LRRFIP1: variants seen among roughly 807,000 people sequenced by gnomAD.
LRRFIP1 encodes the protein LRR binding FLII interacting protein 1, also known as leucine-rich repeat flightless-interacting protein 1.
LRRFIP1 carries 62 observed loss-of-function variants against 104.4 expected under a neutral mutation model. The observed-to-expected ratio is 0.59, with a 90% CI of 0.48 to 0.73. The LOEUF (loss-of-function observed/expected upper bound fraction) is 0.73, where lower values mean the gene tolerates loss of function less well. Ranked by LOEUF, LRRFIP1 falls within the 30% of genes least tolerant of loss-of-function variation. The probability of loss-of-function intolerance (pLI) is 0.00; values close to 1 mark genes in which losing one functional copy is unlikely to be tolerated. For synonymous variants in LRRFIP1, 300 were observed against 299.0 expected (o/e 1.00, Z -0.03); for missense variants, 796 against 824.5 (o/e 0.97, Z 0.42).
At position 237,708,606 on chromosome 2, in the gene LRRFIP1, G is replaced by A; in HGVS notation, c.159G>A (p.Lys53=). 1.2e-6 allele frequency: 2 copies of A among 1,601,166 alleles called. No individual in the cohort carries two copies. Among genetic ancestry groups the A allele is most frequent in the Middle Eastern group, 1.7e-4 (1 of 6,024 alleles). Residue 53 remains lysine, a synonymous_variant, in exon 2 of 24, where the codon AAG becomes AAA. Transcript: ENST00000308482. ...ARAEAREIRM[K]ELERQQKEIY... ...CGGAGGCTCGCGAGATCCGCATGAA[G>A]GAGCTGGAGCGGCAGCAGAAGGAGG...
At chr2:237,631,798 G>T (rs141003556) in intron 1 of LRRFIP1, among the ~76,000 whole-genome samples, 5 of 152,236 alleles carry the variant, frequency 3.3e-5, no homozygotes, top group African/African-American at 1.2e-4. Context: ...AGTCATTTGC[G>T]CAGGCTGCAT....
chr2:237,748,524 C>A, intron 12 of LRRFIP1, 125 bp downstream of exon 12: 1 of 854,880 alleles, frequency 1.2e-6, no homozygotes, highest in Non-Finnish European at 1.8e-6. Flanking sequence ...AGAAAGCGGC[C>A]CACCTAACCT....
intron 8 of LRRFIP1, among the ~76,000 whole-genome samples, chr2:237,732,951 G>A (rs964070397): frequency 3.3e-5 from 5 of 152,136 alleles, no homozygotes; most frequent in African/African-American, 9.7e-5. Flanking sequence ...TATAGGTATC[G>A]AGTCTTATTC....
chr2:237,651,182 T>C (rs1156740592), intron 1 of LRRFIP1, among the ~76,000 whole-genome samples: 3 of 152,226 alleles, frequency 2.0e-5, no homozygotes, highest in African/African-American at 4.8e-5. Flanking sequence ...GTCACCCAGA[T>C]TCAACAAGGT....
chr2:237,738,382 C>G (rs2095316035), intron 10 of LRRFIP1, among the ~76,000 whole-genome samples: 1 of 152,186 alleles, frequency 6.6e-6, no homozygotes, highest in Admixed American at 6.5e-5. Flanking sequence ...CTGTGCCCAG[C>G]ACAGTGCAGG....
chr2:237,751,936 C>T (rs558208122), intron 14 of LRRFIP1, among the ~76,000 whole-genome samples: 31 of 152,134 alleles, frequency 2.0e-4, no homozygotes, highest in Non-Finnish European at 3.5e-4. Flanking sequence ...AAGTGGGTGG[C>T]GTATCTGTTA....
chr2:237,725,147 CTTT>C (rs2094692915), intron 7 of LRRFIP1, among the ~76,000 whole-genome samples: 1 of 152,204 alleles, frequency 6.6e-6, no homozygotes, highest in African/African-American at 2.4e-5. Flanking sequence ...TGTGTGTCCT[CTTT>C]ATTTTATTCT....
intron 1 of LRRFIP1, among the ~76,000 whole-genome samples, chr2:237,656,178 AAACT>A (rs2086791951): frequency 6.6e-6 from 1 of 152,256 alleles, no homozygotes; most frequent in East Asian, 1.9e-4. Flanking sequence ...TGTATTTAAA[AAACT>A]AAATAAAACA....
rs146807852 is a variant in LRRFIP1 at position 237,670,825 on chromosome 2, T to C, written c.97-37719T>C. ...TGATTGTTCCTCCCCGTGGGGCCGTTACGAGAAGCAAGCACATGGAAGCGT... is the reference window on the plus strand; with the variant it reads ...TGATTGTTCCTCCCCGTGGGGCCGTCACGAGAAGCAAGCACATGGAAGCGT... On this transcript the variant is annotated intron_variant, in intron 1 of 23. Coordinates refer to ENST00000308482, the MANE Select transcript of LRRFIP1 (RefSeq NM_001137550.2). Among the ~76,000 whole-genome samples, 477 of 152,324 alleles carry C rather than the reference T, an allele frequency of 3.1e-3. 8 individuals carry two copies. The East Asian group carries it at 0.047, about 15-fold the overall frequency.
chr2:237,774,873 C>A (rs1193310355), intron 23 of LRRFIP1, among the ~76,000 whole-genome samples: 1 of 152,246 alleles, frequency 6.6e-6, no homozygotes, highest in Non-Finnish European at 1.5e-5. Context: ...ACAGCTGTCT[C>A]AGGTCACCCT....
intron 10 of LRRFIP1, among the ~76,000 whole-genome samples, chr2:237,737,934 A>G (rs906062393): frequency 6.6e-6 from 1 of 152,238 alleles, no homozygotes; most frequent in African/African-American, 2.4e-5. Context: ...CATCTTGTCC[A>G]CAGCCCTGTA....
intron 6 of LRRFIP1, among the ~76,000 whole-genome samples, chr2:237,722,631 C>T (rs1233212894): frequency 6.6e-6 from 1 of 152,202 alleles, no homozygotes; most frequent in African/African-American, 2.4e-5. Context: ...TTTTCATTTT[C>T]AGCCACATGA....
intron 1 of LRRFIP1, among the ~76,000 whole-genome samples, chr2:237,668,949 T>A (rs1026176954): frequency 2.0e-5 from 3 of 151,984 alleles, no homozygotes; most frequent in Admixed American, 2.0e-4. Flanking sequence ...TATCTGTGAC[T>A]TTTTTTTAAC....
rs1401722999 is a variant in LRRFIP1 at position 237,717,668 on chromosome 2, C to T, written c.202-94C>T. ...TTACCTTCACCACACGGCTGGATGG[C>T]GGTTTGGAAATGCATGTCAGAACAG... On this transcript the variant is annotated intron_variant, in intron 3 of 23. Transcript: ENST00000308482. This position sits in a 1 kb window ranked among gnomAD's most constrained non-coding sequence, Gnocchi z 4.2. The T allele has an allele frequency of 9.4e-6, 9 of 954,360 alleles. No individual in the cohort carries two copies. Among genetic ancestry groups the T allele is most frequent in the African/African-American group, 3.2e-5 (2 of 62,264 alleles). The allele number at this position is 954,360 out of a possible 1,614,324, so 59.1% of individuals were successfully genotyped here.
intron 8 of LRRFIP1, among the ~76,000 whole-genome samples, chr2:237,729,059 A>G (rs1310287262): frequency 6.6e-6 from 1 of 152,174 alleles, no homozygotes; most frequent in African/African-American, 2.4e-5. Flanking sequence ...AGTAGCTTGG[A>G]TTACAGGCAT....
intron 19 of LRRFIP1, chr2:237,763,180 G>T (rs776827427): frequency 6.2e-7 from 1 of 1,614,118 alleles, no homozygotes; most frequent in Non-Finnish European, 8.5e-7. Context: ...AGGTTCCAGC[G>T]CACAGTACAG....
intron 11 of LRRFIP1, among the ~76,000 whole-genome samples, chr2:237,739,895 A>C (rs1280505747): frequency 6.6e-6 from 1 of 152,114 alleles, no homozygotes; most frequent in African/African-American, 2.4e-5. Flanking sequence ...TGATGCTTGA[A>C]GGCGACCCTA....
chr2:237,703,075 GC>G lies in LRRFIP1; in HGVS notation c.97-5464del, dbSNP rs1273141815. Among the ~76,000 whole-genome samples, 1 of 152,150 alleles carries G rather than the reference GC, an allele frequency of 6.6e-6. No individual in the cohort carries two copies. The highest frequency in any genetic ancestry group is 6.5e-5 in the Admixed American group (1 of 15,276). ...GCTCCTGTAGGGTGGGGACAGACCA[GC>G]CCCCATGAACCCTAGCGAGGGCCAT... On this transcript the variant is annotated intron_variant, in intron 1 of 23. Coordinates refer to ENST00000308482, the MANE Select transcript of LRRFIP1 (RefSeq NM_001137550.2). The surrounding 1 kb of genome is among the most constrained non-coding windows in gnomAD (Gnocchi z 4.3).
intron 8 of LRRFIP1, among the ~76,000 whole-genome samples, chr2:237,732,844 A>T (rs1488011687): frequency 6.6e-6 from 1 of 152,114 alleles, no homozygotes; most frequent in Non-Finnish European, 1.5e-5. Flanking sequence ...TGAGAAGTGG[A>T]CAGAACAGTG....
Sources: allele counts gnomAD v4.1 joint callset (sites outside exome capture counted in the v4.1 genomes callset), GRCh38; gene constraint gnomAD v4.1.1; non-coding constraint Gnocchi (gnomAD v3.1); transcripts MANE v1.5; gene names NCBI Gene and HGNC (gene_info 2026-07-23, HGNC 2026-07-21).